VAC14: variants seen among roughly 807,000 people sequenced by gnomAD.
VAC14 encodes protein VAC14 homolog.
In VAC14, 47 loss-of-function variants were observed where a neutral mutation model predicts 85.3. That is an observed-to-expected ratio of 0.55 (90% CI 0.44 to 0.70). The LOEUF is 0.70. Among genes scored for constraint, VAC14 ranks in the 30% least tolerant of loss-of-function variants. The pLI is 0.00. For synonymous variants in VAC14, 447 were observed against 430.5 expected, an observed-to-expected ratio of 1.04 and a Z score of -0.47; for missense variants, 861 against 1,004.3, an observed-to-expected ratio of 0.86 and a Z score of 1.93.
intron 14 of VAC14, chr16:70,716,992 G>A (rs1234413769): frequency 6.6e-5 from 10 of 152,264 alleles, no homozygotes; most frequent in Non-Finnish European, 1.0e-4. Flanking sequence ...CCCCCATGGT[G>A]GCCCTTGGTA....
chr16:70,748,700 A>G (rs2031123428), intron 12 of VAC14, among the ~76,000 whole-genome samples: 1 of 152,112 alleles, frequency 6.6e-6, no homozygotes, highest in Non-Finnish European at 1.5e-5. Flanking sequence ...TAATCCCAGC[A>G]CTTTGGGAGA....
rs574310081 is a variant in VAC14 at position 70,801,124 on chromosome 16, G to A, written c.-224C>T. 99 of 429,924 alleles carry A rather than the reference G, an allele frequency of 2.3e-4. No individual in the cohort carries two copies. The highest frequency in any genetic ancestry group is 1.2e-3 in the East Asian group (32 of 26,206). 26.6% of individuals were successfully genotyped at this position (429,924 alleles called of 1,614,324 possible). ...TTAACAACTCCCGCCCGGCACTAGC[G>A]GGACTCACGAGACAGCGGCCATGTT... On this transcript the variant is annotated 5_prime_UTR_variant, in exon 1 of 19. Coordinates refer to ENST00000261776, the MANE Select transcript of VAC14 (RefSeq NM_018052.5).
chr16:70,765,977 TA>T (rs1162618915), intron 10 of VAC14, among the ~76,000 whole-genome samples: 2 of 151,606 alleles, frequency 1.3e-5, no homozygotes, highest in Non-Finnish European at 2.9e-5. Context: ...GTGAAAAATT[TA>T]AAAAATTAGC....
chr16:70,790,265 T>C (rs1162797774), intron 1 of VAC14, among the ~76,000 whole-genome samples: 2 of 151,680 alleles, frequency 1.3e-5, no homozygotes, highest in Middle Eastern at 3.4e-3. Context: ...GAAGGATGAG[T>C]AGGTGTTCGT....
At chr16:70,766,545 C>G (rs1054097743) in intron 10 of VAC14, 9 of 456,648 alleles carry the variant, frequency 2.0e-5, no homozygotes, top group Non-Finnish European at 3.5e-5. Context: ...TAAAAGGAAC[C>G]TCATGGTTCA....
At chr16:70,796,635 T>C (rs550251052) in intron 1 of VAC14, among the ~76,000 whole-genome samples, 3 of 152,258 alleles carry the variant, frequency 2.0e-5, no homozygotes, top group South Asian at 2.1e-4. Flanking sequence ...ACCACGCCCA[T>C]AGGGCAGCGA....
intron 1 of VAC14, among the ~76,000 whole-genome samples, chr16:70,791,368 C>A (rs12443518): frequency 1.3e-5 from 2 of 152,172 alleles, no homozygotes; most frequent in East Asian, 1.9e-4. Flanking sequence ...CCTTCTCATG[C>A]GTGATTCCTA....
chr16:70,746,283 G>A lies in VAC14; in HGVS notation c.1372-1704C>T, dbSNP rs182316540. Among the ~76,000 whole-genome samples, 293 of 152,198 alleles carry A rather than the reference G, an allele frequency of 1.9e-3. 3 individuals carry two copies. The highest frequency in any genetic ancestry group is 6.6e-3 in the African/African-American group (274 of 41,514). ...CAATCTCCCAGCCTCATCCAGGCAG[G>A]AGCTGGCACTCGCTCACACAGACTC... On this transcript the variant is annotated intron_variant, in intron 12 of 18. Coordinates refer to ENST00000261776, the MANE Select transcript of VAC14 (RefSeq NM_018052.5).
chr16:70,786,453 G>A, intron 1 of VAC14, 88 bp from the exon 2 acceptor site: 2 of 1,530,330 alleles, frequency 1.3e-6, no homozygotes, highest in Non-Finnish European at 1.8e-6. Flanking sequence ...GAAGGGAGAT[G>A]ACCTGTTTGG....
intron 14 of VAC14, among the ~76,000 whole-genome samples, chr16:70,723,774 G>T (rs563369006): frequency 2.0e-5 from 3 of 152,320 alleles, no homozygotes; most frequent in African/African-American, 7.2e-5. Flanking sequence ...AACAAAGAAC[G>T]TGCTTTTAGT....
chr16:70,697,342 C>G lies in VAC14; in HGVS notation c.1837-85G>C, dbSNP rs1447761706. 5 of 1,138,508 alleles carry G rather than the reference C, an allele frequency of 4.4e-6. No homozygotes were observed. In the African/African-American group the frequency reaches 4.6e-5, roughly 10 times the overall value. 70.5% of individuals were successfully genotyped at this position (1,138,508 alleles called of 1,614,324 possible). A position where few individuals can be genotyped will look rare whatever the true frequency, so the allele number is the denominator to read the frequency against. ...ACGTGGGGACCTGAGGGAAGGGCCA[C>G]AGGTCTAAGTCCCAGGGGCCTTCAG... On this transcript the variant is annotated intron_variant, in intron 15 of 18. Transcript: ENST00000261776.
At chr16:70,779,842 C>G (rs2033718645) in intron 9 of VAC14, among the ~76,000 whole-genome samples, 1 of 147,140 alleles carries the variant, frequency 6.8e-6, no homozygotes, top group Admixed American at 6.8e-5. Context: ...TTTCTTTTTT[C>G]TTTTTTTTTT....
intron 14 of VAC14, among the ~76,000 whole-genome samples, chr16:70,719,110 C>T (rs1334431842): frequency 6.6e-6 from 1 of 152,154 alleles, no homozygotes; most frequent in Non-Finnish European, 1.5e-5. Flanking sequence ...TCTGGCAGGT[C>T]GGGAGGGCTG....
At chr16:70,736,486 A>C (rs1193553202) in intron 13 of VAC14, among the ~76,000 whole-genome samples, 2 of 152,190 alleles carry the variant, frequency 1.3e-5, no homozygotes, top group Admixed American at 1.3e-4. Flanking sequence ...TGTGACCCCC[A>C]CACATCTGGG....
chr16:70,766,819 C>T (rs1430077380), intron 10 of VAC14, among the ~76,000 whole-genome samples: 1 of 152,144 alleles, frequency 6.6e-6, no homozygotes, highest in African/African-American at 2.4e-5. Flanking sequence ...CTCTGCTGGG[C>T]AGGGTTGGCT....
rs61747638 is a variant in VAC14 at position 70,800,853 on chromosome 16, G to T, written c.48C>A (p.Arg16=). ...DFAPLTPNIV[R]ALNDKLYEKR... is the part of the protein sequence containing the mutation. ...TTTCGTACAGCTTGTCATTGAGGGC[G>T]CGCACGATGTTAGGCGTGAGCGGCG... The change falls in exon 1 of 19, where the codon CGC becomes CGA. Residue 16 remains arginine (R), a synonymous_variant. Transcript: ENST00000261776. 3 of 1,608,268 alleles carry T rather than the reference G, an allele frequency of 1.9e-6. No homozygotes were observed. The highest frequency in any genetic ancestry group is 2.5e-6 in the Non-Finnish European group (3 of 1,177,542).
rs1763741755 is a variant in VAC14, at chr16:70,738,100, G to A, written c.1528+6323C>T. Among the ~76,000 whole-genome samples the A allele has an allele frequency of 2.0e-5, 3 of 152,372 alleles. 1 individual carries two copies. The South Asian group carries it at 6.2e-4, about 32-fold the overall frequency. On this transcript the variant is annotated intron_variant, in intron 13 of 18. Coordinates refer to ENST00000261776, the MANE Select transcript of VAC14 (RefSeq NM_018052.5). ...AGAGCATCAAGTCGTGCTTGGCACA[G>A]GAAGTGGTCCACAGAAGGGGTGGGT... is the stretch of plus-strand genomic sequence containing the variant.
intron 1 of VAC14, among the ~76,000 whole-genome samples, chr16:70,789,792 C>T (rs919591226): frequency 6.6e-6 from 1 of 152,166 alleles, no homozygotes; most frequent in South Asian, 2.1e-4. Flanking sequence ...CACCTAGGCC[C>T]GCTAAAGCAG....
chr16:70,787,418 G>C (rs1464520538), intron 1 of VAC14, among the ~76,000 whole-genome samples: 2 of 152,212 alleles, frequency 1.3e-5, no homozygotes, highest in African/African-American at 4.8e-5. Flanking sequence ...AGAGGAGCAG[G>C]TCGGAGGGAG....
Sources: gnomAD v4.1 joint callset for allele counts (sites outside exome capture counted in the v4.1 genomes callset) on GRCh38, gnomAD v4.1.1 for gene constraint, MANE v1.5 for transcripts, NCBI Gene and HGNC (gene_info 2026-07-23, HGNC 2026-07-21) for gene names.